The following CNTN6 variants were observed in gnomAD, a reference collection of about 807,000 sequenced individuals.
CNTN6 encodes contactin 6.
In CNTN6, 137 loss-of-function variants were observed where a neutral mutation model predicts 122.8. The observed-to-expected ratio is 1.12, with a 90% CI of 0.97 to 1.29. The LOEUF (loss-of-function observed/expected upper bound fraction) is 1.29. CNTN6 is among the 50% of genes most tolerant of loss of function. The probability of loss-of-function intolerance (pLI) is 0.00; values close to 1 mark genes in which losing one functional copy is unlikely to be tolerated. For missense variants in CNTN6, 1,634 were observed against 1,223.4 expected, an observed-to-expected ratio of 1.34 and a Z score of -5.01; for synonymous variants, 570 against 426.0, an observed-to-expected ratio of 1.34 and a Z score of -4.16.
chr3:1,302,896 T>G (rs959718156), intron 7 of CNTN6, among the ~76,000 whole-genome samples: 12 of 152,148 alleles, frequency 7.9e-5, no homozygotes, highest in Admixed American at 3.9e-4. Flanking sequence ...TTATCTTTTA[T>G]GCCATTTGTA....
At chr3:1,120,905 T>G (rs1244449730) in intron 1 of CNTN6, among the ~76,000 whole-genome samples, 2 of 151,620 alleles carry the variant, frequency 1.3e-5, no homozygotes, top group Non-Finnish European at 3.0e-5. Context: ...GGAAAAGCCT[T>G]TTTAAAGCCT....
In CNTN6 at chr3:1,372,574, A is replaced by T. The variant is rs1241763433; in HGVS notation, c.1668+100A>T. 11 of 1,011,678 alleles carry T rather than the reference A, an allele frequency of 1.1e-5. No homozygotes were observed. The East Asian group carries it at 1.8e-4, about 17-fold the overall frequency. The allele number at this position is 1,011,678 out of a possible 1,614,324, so 62.7% of individuals were successfully genotyped here. Reference sequence around the variant, plus strand: ...ACTCTCTCCATCTTTATTTGCATGGATAATCACTGACTGTTTTTGAAGCTA... The same window carrying T: ...ACTCTCTCCATCTTTATTTGCATGGTTAATCACTGACTGTTTTTGAAGCTA... On this transcript the variant is annotated intron_variant, in intron 13 of 22. Transcript: ENST00000446702.
chr3:1,283,440 C>G (rs917501099), intron 5 of CNTN6, among the ~76,000 whole-genome samples: 2 of 152,072 alleles, frequency 1.3e-5, no homozygotes, highest in Non-Finnish European at 2.9e-5. Context: ...CTATCTGCAA[C>G]AGAGCTGAAG....
rs776193811 is a variant in CNTN6 at position 1,227,853 on chromosome 3, T to C, written c.218T>C (p.Met73Thr). 4 of 1,613,612 alleles carry C rather than the reference T, an allele frequency of 2.5e-6. No individual in the cohort carries two copies. Among genetic ancestry groups the C allele is most frequent in the East Asian group, 2.2e-5 (1 of 44,870 alleles). Residue 73 changes from methionine to threonine, a missense_variant, in exon 4 of 23, where the codon ATG becomes ACG. By Grantham distance (81) the Met-to-Thr change is moderately conservative (BLOSUM62 -1). Coordinates refer to ENST00000446702, the MANE Select transcript of CNTN6 (RefSeq NM_001289080.2). ...KQNGTDIDFT[M>T]SYHYRLDGGS... ...AATGGCACAGACATTGATTTTACTA[T>C]GAGTTATCACTACAGGTTGGATGGA...
At chr3:1,383,693 G>GTGTT (rs1052449947) in intron 19 of CNTN6, among the ~76,000 whole-genome samples, 8 of 152,204 alleles carry the variant, frequency 5.3e-5, no homozygotes, top group Admixed American at 3.9e-4. Context: ...TGAGGCAGCA[G>GTGTT]TGTTACAGTT....
chr3:1,140,379 G>C (rs765972988), intron 1 of CNTN6, among the ~76,000 whole-genome samples: 6 of 152,130 alleles, frequency 3.9e-5, no homozygotes, highest in African/African-American at 1.4e-4. Context: ...CCCTCAATCA[G>C]GGATCTGCCT....
At chr3:1,291,360 G>A (rs1281251351) in intron 5 of CNTN6, among the ~76,000 whole-genome samples, 1 of 152,132 alleles carries the variant, frequency 6.6e-6, no homozygotes, top group Non-Finnish European at 1.5e-5. Context: ...AGCAGCTAAG[G>A]TAAAAATGAA....
chr3:1,242,326 G>A (rs1384308619), intron 4 of CNTN6, among the ~76,000 whole-genome samples: 4 of 152,048 alleles, frequency 2.6e-5, no homozygotes, highest in Non-Finnish European at 2.9e-5. Flanking sequence ...GTGGAGGAAT[G>A]GATTGAGGAC....
chr3:1,237,342 CAAT>C (rs1024239748), intron 4 of CNTN6, among the ~76,000 whole-genome samples: 1 of 151,490 alleles, frequency 6.6e-6, no homozygotes, highest in African/African-American at 2.4e-5. Context: ...CAAAGACAAA[CAAT>C]AATAATAATA....
At position 1,385,806 on chromosome 3, in the gene CNTN6, G is replaced by GCATACACTCCAGGAAACAAGATTCATCT; in HGVS notation, c.2704+10_2704+37dup. The GCATACACTCCAGGAAACAAGATTCATCT allele has an allele frequency of 6.2e-7, 1 of 1,600,652 alleles. No homozygotes were observed. Among genetic ancestry groups the GCATACACTCCAGGAAACAAGATTCATCT allele is most frequent in the Non-Finnish European group, 8.5e-7 (1 of 1,174,410 alleles). On this transcript the variant is annotated intron_variant, in intron 20 of 22. Coordinates refer to ENST00000446702, the MANE Select transcript of CNTN6 (RefSeq NM_001289080.2). ...TACCACCAAAAAGTCTCGTAAGTATGCATACACTCCAGGAAACAAGATTCA... is the reference window on the plus strand; with the variant it reads ...TACCACCAAAAAGTCTCGTAAGTATGCATACACTCCAGGAAACAAGATTCATCTCATACACTCCAGGAAACAAGATTCA...
intron 1 of CNTN6, among the ~76,000 whole-genome samples, chr3:1,129,433 C>T (rs561675340): frequency 1.2e-3 from 180 of 152,104 alleles, no homozygotes; most frequent in African/African-American, 4.2e-3. Context: ...GTACCGTCTT[C>T]ATGCATATAG....
chr3:1,141,966 TA>T (rs1275535198), intron 1 of CNTN6, among the ~76,000 whole-genome samples: 1 of 152,082 alleles, frequency 6.6e-6, no homozygotes, highest in Non-Finnish European at 1.5e-5. Flanking sequence ...AACTCCTCTG[TA>T]AAAGATAGAT....
chr3:1,130,289 C>T (rs1574956615), intron 1 of CNTN6, among the ~76,000 whole-genome samples: 1 of 151,956 alleles, frequency 6.6e-6, no homozygotes, highest in East Asian at 1.9e-4. Context: ...TACCCTCACT[C>T]CCTTCACCCC....
intron 2 of CNTN6, among the ~76,000 whole-genome samples, chr3:1,180,681 T>C (rs2093537983): frequency 6.6e-6 from 1 of 152,190 alleles, no homozygotes; most frequent in Non-Finnish European, 1.5e-5. Flanking sequence ...ATTTCACCAA[T>C]ATTTATGGAG....
chr3:1,371,817 A>T (rs905029781), intron 12 of CNTN6, among the ~76,000 whole-genome samples: 2 of 152,180 alleles, frequency 1.3e-5, no homozygotes, highest in African/African-American at 2.4e-5. Flanking sequence ...AAGACAGAAT[A>T]ATTATGTTGC....
chr3:1,112,887 G>T lies in CNTN6; in HGVS notation c.-83+19767G>T, dbSNP rs115154694. On this transcript the variant is annotated intron_variant, in intron 1 of 22. Coordinates refer to ENST00000446702, the MANE Select transcript of CNTN6 (RefSeq NM_001289080.2). The stretch of plus-strand genomic sequence containing the variant: ...AGAAGTGAGAGGAAGTTGTATTGGG[G>T]AGAAAAGCAAACATAAGAAATTTTC... Among the ~76,000 whole-genome samples, 254 of 152,252 alleles carry T rather than the reference G, an allele frequency of 1.7e-3. 1 individual carries two copies. Among genetic ancestry groups the T allele is most frequent in the African/African-American group, 5.8e-3 (243 of 41,546 alleles).
chr3:1,229,399 C>T (rs899122703), intron 4 of CNTN6, among the ~76,000 whole-genome samples: 7 of 151,944 alleles, frequency 4.6e-5, no homozygotes, highest in African/African-American at 1.5e-4. Context: ...AATCAGATTC[C>T]ATAATCATAA....
In CNTN6 at chr3:1,373,589, A is replaced by C. The variant is rs745977460; in HGVS notation, c.1787-15A>C. The C allele has an allele frequency of 6.2e-7, 1 of 1,609,306 alleles. No homozygotes were observed. The stretch of plus-strand genomic sequence containing the variant: ...AGTATCTCCAATGGAGTCATGATAA[A>C]ACATTTTTTTCAAGGTCCACCAGGT... On this transcript the variant is annotated splice_polypyrimidine_tract_variant and intron_variant, in intron 14 of 22. Coordinates refer to ENST00000446702, the MANE Select transcript of CNTN6 (RefSeq NM_001289080.2).
intron 4 of CNTN6, among the ~76,000 whole-genome samples, chr3:1,243,077 G>T (rs975983897): frequency 2.0e-5 from 3 of 152,228 alleles, no homozygotes; most frequent in Admixed American, 6.5e-5. Flanking sequence ...GTCTTCAGCT[G>T]CTAAGCCGAG....
Sources: allele counts gnomAD v4.1 joint callset (sites outside exome capture counted in the v4.1 genomes callset), GRCh38; gene constraint gnomAD v4.1.1; transcripts MANE v1.5; gene names NCBI Gene and HGNC (gene_info 2026-07-23, HGNC 2026-07-21).